CEP128: variants seen among roughly 807,000 people sequenced by gnomAD.
CEP128 encodes the protein centrosomal protein 128kDa.
A neutral mutation model predicts 156.7 loss-of-function variants in CEP128; 132 were observed. The ratio of observed to expected loss-of-function variants is 0.84; its 90% CI spans 0.73 to 0.97. The LOEUF is 0.97. CEP128 is among the 50% of genes least tolerant of loss of function. The pLI, the probability that CEP128 is intolerant of heterozygous loss-of-function variation, is 0.00. For missense variants in CEP128, 1,252 were observed against 1,281.9 expected, an observed-to-expected ratio of 0.98 and a Z score of 0.36; for synonymous variants, 469 against 448.9, an observed-to-expected ratio of 1.04 and a Z score of -0.57.
At chr14:80,618,115 A>T (rs1476351419) in intron 19 of CEP128, among the ~76,000 whole-genome samples, 1 of 152,246 alleles carries the variant, frequency 6.6e-6, no homozygotes, top group East Asian at 1.9e-4. Context: ...CAATAAAGAT[A>T]AGTATGCAAC....
intron 8 of CEP128, among the ~76,000 whole-genome samples, chr14:80,865,361 A>G (rs572707951): frequency 6.6e-6 from 1 of 152,276 alleles, no homozygotes; most frequent in East Asian, 1.9e-4. Context: ...AATTGTTTCC[A>G]TATCTTGACT....
In CEP128 at chr14:80,747,497, A is replaced by G. The variant is rs538452068; in HGVS notation, c.2614-4230T>C. 1.9e-3 allele frequency among the ~76,000 whole-genome samples: 288 copies of G among 152,290 alleles called. 3 individuals are homozygous for G. Among genetic ancestry groups the G allele is most frequent in the Non-Finnish European group, 3.4e-3 (233 of 68,016 alleles). ...TGCTAAATGAAAGAAGTCAATCACA[A>G]AAGACCACATATTATATGATTATAT... On this transcript the variant is annotated intron_variant, in intron 18 of 24. Coordinates refer to ENST00000555265, the MANE Select transcript of CEP128 (RefSeq NM_152446.5).
At chr14:80,722,587 TGAGAA>T (rs918783825) in intron 19 of CEP128, among the ~76,000 whole-genome samples, 5 of 151,502 alleles carry the variant, frequency 3.3e-5, no homozygotes, top group Admixed American at 1.3e-4. Flanking sequence ...GTTTTCAAGC[TGAGAA>T]AAGAAAAAAT....
chr14:80,548,373 T>C (rs1011125693), intron 21 of CEP128, among the ~76,000 whole-genome samples: 1 of 152,192 alleles, frequency 6.6e-6, no homozygotes, highest in African/African-American at 2.4e-5. Context: ...TTCTCCATAT[T>C]AGTTTTTCAT....
chr14:80,605,217 T>C (rs1892730077), intron 19 of CEP128, among the ~76,000 whole-genome samples: 1 of 152,120 alleles, frequency 6.6e-6, no homozygotes, highest in African/African-American at 2.4e-5. Flanking sequence ...TGTATCTTTG[T>C]AGGTTGCTGC....
chr14:80,745,808 G>A (rs1899069603), intron 18 of CEP128, among the ~76,000 whole-genome samples: 1 of 151,848 alleles, frequency 6.6e-6, no homozygotes, highest in African/African-American at 2.4e-5. Flanking sequence ...AAAGGAAGAA[G>A]TGAACATATC....
intron 19 of CEP128, among the ~76,000 whole-genome samples, chr14:80,638,332 T>A (rs1307616699): frequency 6.6e-6 from 1 of 152,236 alleles, no homozygotes; most frequent in Non-Finnish European, 1.5e-5. Context: ...AATTTTGCAA[T>A]CTGGGACTTG....
At chr14:80,638,534 G>A (rs953507718) in intron 19 of CEP128, among the ~76,000 whole-genome samples, 4 of 152,170 alleles carry the variant, frequency 2.6e-5, no homozygotes, top group African/African-American at 9.7e-5. Context: ...ACTTATCAGA[G>A]AGGACTTTGC....
intron 8 of CEP128, among the ~76,000 whole-genome samples, chr14:80,889,051 T>C (rs542973996): frequency 6.6e-6 from 1 of 151,764 alleles, no homozygotes; most frequent in Non-Finnish European, 1.5e-5. Context: ...GAAAATAAAA[T>C]ACCTAGGAAT....
intron 19 of CEP128, among the ~76,000 whole-genome samples, chr14:80,728,465 C>T (rs560740907): frequency 9.2e-5 from 14 of 151,870 alleles, no homozygotes; most frequent in East Asian, 7.7e-4. Context: ...CCCAGTGGCA[C>T]GCTATTTAGT....
intron 20 of CEP128, among the ~76,000 whole-genome samples, chr14:80,564,520 T>C (rs1595012231): frequency 1.3e-5 from 2 of 152,244 alleles, no homozygotes; most frequent in South Asian, 4.1e-4. Flanking sequence ...AAACTGCCTT[T>C]GCAAAATTAT....
At chr14:80,698,424 C>A (rs1277455653) in intron 19 of CEP128, among the ~76,000 whole-genome samples, 1 of 152,108 alleles carries the variant, frequency 6.6e-6, no homozygotes, top group Non-Finnish European at 1.5e-5. Context: ...ATGTGAAATT[C>A]TTTAAATTAG....
chr14:80,638,812 C>T (rs1894296871), intron 19 of CEP128, among the ~76,000 whole-genome samples: 1 of 152,058 alleles, frequency 6.6e-6, no homozygotes, highest in African/African-American at 2.4e-5. Flanking sequence ...AATGGTAGCT[C>T]CTAACATTTC....
At chr14:80,779,763 G>A (rs187436907) in intron 15 of CEP128, among the ~76,000 whole-genome samples, 7 of 152,282 alleles carry the variant, frequency 4.6e-5, no homozygotes, top group African/African-American at 7.2e-5. Context: ...ACACCAATGC[G>A]AAGCTTGACT....
At chr14:80,783,446 C>T (rs529050381) in intron 15 of CEP128, among the ~76,000 whole-genome samples, 2 of 152,128 alleles carry the variant, frequency 1.3e-5, no homozygotes, top group Non-Finnish European at 2.9e-5. Flanking sequence ...GAAAATAATA[C>T]CACACAATCT....
intron 2 of CEP128, among the ~76,000 whole-genome samples, chr14:80,925,986 A>T (rs775568816): frequency 5.3e-5 from 8 of 152,196 alleles, no homozygotes; most frequent in Non-Finnish European, 8.8e-5. Flanking sequence ...AGAACCAAGC[A>T]GGGACAGAGG....
At chr14:80,703,715 G>A (rs56045312) in intron 19 of CEP128, among the ~76,000 whole-genome samples, 1,917 of 152,032 alleles carry the variant, frequency 0.013, 48 homozygotes, top group African/African-American at 0.044. Flanking sequence ...TGGATATCAC[G>A]ACTAGAAAAT....
At chr14:80,724,299 G>A (rs1335881110) in intron 19 of CEP128, among the ~76,000 whole-genome samples, 1 of 152,142 alleles carries the variant, frequency 6.6e-6, no homozygotes, top group East Asian at 1.9e-4. Context: ...CATTTGTGGT[G>A]TGTTATGGAA....
intron 19 of CEP128, among the ~76,000 whole-genome samples, chr14:80,730,048 G>A (rs1898205313): frequency 6.6e-6 from 1 of 152,132 alleles, no homozygotes; most frequent in African/African-American, 2.4e-5. Flanking sequence ...TCTTTGGAGT[G>A]TACACATTGA....
Sources: allele counts gnomAD v4.1 joint callset (sites outside exome capture counted in the v4.1 genomes callset), GRCh38; gene constraint gnomAD v4.1.1; transcripts MANE v1.5; gene names NCBI Gene and HGNC (gene_info 2026-07-23, HGNC 2026-07-21).